Variants in CDH4 observed in about 807,000 individuals in gnomAD.
The protein encoded by CDH4 is cadherin 4.
A neutral mutation model predicts 86.0 loss-of-function variants in CDH4; 33 were observed. The observed-to-expected ratio is 0.38, with a 90% CI of 0.29 to 0.51. CDH4 has a LOEUF of 0.51. Ranked by LOEUF, CDH4 falls within the 20% of genes least tolerant of loss-of-function variation. The pLI, the probability that CDH4 is intolerant of heterozygous loss-of-function variation, is 0.86. For synonymous variants in CDH4, 555 were observed against 549.4 expected (o/e 1.01, Z -0.14); for missense variants, 1,114 against 1,307.4 (o/e 0.85, Z 2.28).
chr20:61,440,662 G>T (rs936076521), intron 2 of CDH4, among the ~76,000 whole-genome samples: 1 of 152,210 alleles, frequency 6.6e-6, no homozygotes, highest in Non-Finnish European at 1.5e-5. Flanking sequence ...TTGTCCTTCA[G>T]AACAAAGACC....
At chr20:61,932,906 CAT>C (rs1344487291) in intron 13 of CDH4, 77 bp from the exon 14 acceptor site, 5 of 1,551,304 alleles carry the variant, frequency 3.2e-6, no homozygotes, top group East Asian at 4.7e-5. Context: ...TACATGCCCA[CAT>C]AGACACATGG....
chr20:61,623,634 C>T lies in CDH4; in HGVS notation c.170-119929C>T, dbSNP rs2086799451. Reference sequence around the variant, plus strand: ...AGCATCATTCGTGCAAAGTGCATCACAGCTGATTCTGAGGGAGGTTCTGAC... The same window carrying T: ...AGCATCATTCGTGCAAAGTGCATCATAGCTGATTCTGAGGGAGGTTCTGAC... On this transcript the variant is annotated intron_variant, in intron 2 of 15. Coordinates refer to ENST00000614565, the MANE Select transcript of CDH4 (RefSeq NM_001794.5). This position sits in a 1 kb window ranked among gnomAD's most constrained non-coding sequence, Gnocchi z 4.4. Among the ~76,000 whole-genome samples the T allele has an allele frequency of 6.6e-6, 1 of 152,194 alleles. No homozygotes were observed.
At chr20:61,728,534 A>C (rs536904242) in intron 2 of CDH4, among the ~76,000 whole-genome samples, 10 of 152,160 alleles carry the variant, frequency 6.6e-5, no homozygotes, top group Admixed American at 5.9e-4. Context: ...CCAGGTGAGC[A>C]CTGGCCCACC....
rs11468230 is a variant in CDH4 at position 61,921,748 on chromosome 20, C to CA, written c.1375-1682dup. Among the ~76,000 whole-genome samples the CA allele has an allele frequency of 1.3e-3, 174 of 134,722 alleles. 1 individual carries two copies. Among genetic ancestry groups the CA allele is most frequent in the African/African-American group, 3.3e-3 (117 of 35,674 alleles). The allele number at this position is 134,722 out of a possible 152,430, so 88.4% of individuals were successfully genotyped here. A position where few individuals can be genotyped will look rare whatever the true frequency, so the allele number is the denominator to read the frequency against. On this transcript the variant is annotated intron_variant, in intron 9 of 15. Coordinates refer to ENST00000614565, the MANE Select transcript of CDH4 (RefSeq NM_001794.5). ...GCCTGGCAATGGAGGAAGACTCTGT[C>CA]AAAAAAAAAAAAAAAAAAAAATCAA... is the stretch of plus-strand genomic sequence containing the variant.
At chr20:61,627,559 G>C (rs1437940632) in intron 2 of CDH4, among the ~76,000 whole-genome samples, 1 of 152,204 alleles carries the variant, frequency 6.6e-6, no homozygotes, top group East Asian at 1.9e-4. Context: ...GTGCCCGCAT[G>C]GAGAGCTCTT....
intron 2 of CDH4, among the ~76,000 whole-genome samples, chr20:61,731,161 C>CCCCTCAG (rs545384498): frequency 9.9e-5 from 15 of 152,202 alleles, no homozygotes; most frequent in African/African-American, 2.6e-4. Context: ...TCCGAGTCCC[C>CCCCTCAG]CCCTCAGCCC....
intron 2 of CDH4, among the ~76,000 whole-genome samples, chr20:61,655,326 A>G (rs1362516406): frequency 6.6e-6 from 1 of 152,220 alleles, no homozygotes; most frequent in Non-Finnish European, 1.5e-5. Flanking sequence ...ATATTACTTC[A>G]TTGACACAAA....
chr20:61,905,381 C>T lies in CDH4; in HGVS notation c.1189-5041C>T, dbSNP rs191988754. ...AATGGACGCAGAGAGCGCCGCGCTC[C>T]CTCCTCAGAAGGACGGGAGTGAGTG... On this transcript the variant is annotated intron_variant, in intron 8 of 15. Coordinates refer to ENST00000614565, the MANE Select transcript of CDH4 (RefSeq NM_001794.5). Among the ~76,000 whole-genome samples, 178 of 152,346 alleles carry T rather than the reference C, an allele frequency of 1.2e-3. 3 individuals carry two copies. Among genetic ancestry groups the T allele is most frequent in the African/African-American group, 4.1e-3 (170 of 41,576 alleles).
In CDH4 at chr20:61,480,585, CT is replaced by C. The variant is rs1239498420; in HGVS notation, c.169+225649del. ...GTCCTGACCGGGGCCTGGTGGCTGG[CT>C]GCCTGCTAGGCTGACACAGGGGAAG... On this transcript the variant is annotated intron_variant, in intron 2 of 15. Coordinates refer to ENST00000614565, the MANE Select transcript of CDH4 (RefSeq NM_001794.5). The surrounding 1 kb of genome is among the most constrained non-coding windows in gnomAD (Gnocchi z 5.2). Among the ~76,000 whole-genome samples, 1 of 152,218 alleles carries C rather than the reference CT, an allele frequency of 6.6e-6. No homozygotes were observed. The highest frequency in any genetic ancestry group is 1.5e-5 in the Non-Finnish European group (1 of 68,038).
chr20:61,349,270 C>T (rs1403482350), intron 2 of CDH4, among the ~76,000 whole-genome samples: 2 of 152,176 alleles, frequency 1.3e-5, no homozygotes, highest in Admixed American at 6.5e-5. Flanking sequence ...GCTCCGTAGC[C>T]GTGGAGTTGG....
chr20:61,458,973 T>C (rs1382288409), intron 2 of CDH4, among the ~76,000 whole-genome samples: 1 of 151,532 alleles, frequency 6.6e-6, no homozygotes, highest in African/African-American at 2.4e-5. Context: ...TTTTTTTTCC[T>C]TCTGGAGCCT....
intron 2 of CDH4, among the ~76,000 whole-genome samples, chr20:61,274,400 T>C (rs1385810891): frequency 3.6e-4 from 18 of 49,986 alleles, no homozygotes; most frequent in East Asian, 7.8e-4. Flanking sequence ...GGGGGAGTAC[T>C]GTGTGCAGTT....
chr20:61,404,146 A>G (rs73148259), intron 2 of CDH4, among the ~76,000 whole-genome samples: 2,354 of 57,672 alleles, frequency 0.041, 22 homozygotes, highest in African/African-American at 0.13. Flanking sequence ...CTGAGCTGCT[A>G]CAGCCAGGCG....
chr20:61,495,597 A>C (rs955253507), intron 2 of CDH4, among the ~76,000 whole-genome samples: 16 of 152,108 alleles, frequency 1.1e-4, no homozygotes, highest in African/African-American at 3.6e-4. Context: ...AAAAGAAAGA[A>C]AGAAGGTAAG....
At chr20:61,674,116 A>G (rs1168972388) in intron 2 of CDH4, among the ~76,000 whole-genome samples, 1 of 152,146 alleles carries the variant, frequency 6.6e-6, no homozygotes, top group East Asian at 1.9e-4. Context: ...TCTGCAGCCC[A>G]GAATCTGTTC....
In CDH4 at chr20:61,708,481, C is replaced by T. The variant is rs1280089355; in HGVS notation, c.170-35082C>T. ...ACAGTCAGGGGGCTATGGAGAAACC[C>T]AATCCAGGCCCCGGGCTCCCAGTTT... is the stretch of plus-strand genomic sequence containing the variant. On this transcript the variant is annotated intron_variant, in intron 2 of 15. Transcript: ENST00000614565. This position sits in a 1 kb window ranked among gnomAD's most constrained non-coding sequence, Gnocchi z 4.5. Among the ~76,000 whole-genome samples, 1 of 152,128 alleles carries T rather than the reference C, an allele frequency of 6.6e-6. No individual in the cohort carries two copies. The highest frequency in any genetic ancestry group is 1.5e-5 in the Non-Finnish European group (1 of 68,008).
rs2084072308 is a variant in CDH4 at position 61,252,952 on chromosome 20, G to T, written c.57+382G>T. On this transcript the variant is annotated intron_variant, in intron 1 of 15. Transcript: ENST00000614565. The surrounding 1 kb of genome is among the most constrained non-coding windows in gnomAD (Gnocchi z 4.4). ...GCGCCCTCCATCGCCCGGGAGCCGCGCGCCGCGGGAGTTGCCGAGCCCAGC... is the reference window on the plus strand; with the variant it reads ...GCGCCCTCCATCGCCCGGGAGCCGCTCGCCGCGGGAGTTGCCGAGCCCAGC... Among the ~76,000 whole-genome samples the T allele has an allele frequency of 6.6e-6, 1 of 151,796 alleles. No individual in the cohort carries two copies. Among genetic ancestry groups the T allele is most frequent in the South Asian group, 2.1e-4 (1 of 4,834 alleles).
chr20:61,790,157 C>T (rs1195704993), intron 4 of CDH4, among the ~76,000 whole-genome samples: 2 of 151,846 alleles, frequency 1.3e-5, no homozygotes, highest in East Asian at 3.9e-4. Flanking sequence ...CACACCCACC[C>T]ATCTACCCAT....
intron 2 of CDH4, among the ~76,000 whole-genome samples, chr20:61,642,551 G>A (rs959891797): frequency 2.6e-5 from 4 of 152,186 alleles, no homozygotes; most frequent in South Asian, 2.1e-4. Context: ...AGGATCTGGT[G>A]GGCAGTTTGA....
Sources: gnomAD v4.1 joint callset for allele counts (sites outside exome capture counted in the v4.1 genomes callset) on GRCh38, gnomAD v4.1.1 for gene constraint, Gnocchi (gnomAD v3.1) non-coding constraint, MANE v1.5 for transcripts, NCBI Gene and HGNC (gene_info 2026-07-23, HGNC 2026-07-21) for gene names.